TMEM236: variants seen among roughly 807,000 people sequenced by gnomAD.
TMEM236 encodes transmembrane protein 236, also known as family with sequence similarity 23, member A.
Under a neutral mutation model 14.7 loss-of-function variants are expected in TMEM236, and 11 were observed. The observed-to-expected ratio is 0.75, with a 90% CI of 0.47 to 1.24. The LOEUF (loss-of-function observed/expected upper bound fraction) is 1.24, where lower values mean the gene tolerates loss of function less well. Ranked by LOEUF, TMEM236 falls within the 50% of genes most tolerant of loss-of-function variation. The pLI, the probability that TMEM236 is intolerant of heterozygous loss-of-function variation, is 0.00. For missense variants in TMEM236, 464 were observed against 427.3 expected (o/e 1.09, Z -0.76); for synonymous variants, 182 against 168.6 (o/e 1.08, Z -0.62).
At chr10:17,761,971 T>G (rs1837372119) in intron 1 of TMEM236, among the ~76,000 whole-genome samples, 1 of 152,160 alleles carries the variant, frequency 6.6e-6, no homozygotes, top group Admixed American at 6.5e-5. Context: ...CTCTTTCTCA[T>G]CCACTTTGTA....
At chr10:17,762,230 A>T (rs1157320689) in intron 1 of TMEM236, among the ~76,000 whole-genome samples, 1 of 152,090 alleles carries the variant, frequency 6.6e-6, no homozygotes, top group African/African-American at 2.4e-5. Context: ...GCCACATCTC[A>T]GTCTGCTAAG....
At chr10:17,779,320 T>C (rs1837710658) in intron 3 of TMEM236, among the ~76,000 whole-genome samples, 1 of 151,990 alleles carries the variant, frequency 6.6e-6, no homozygotes, top group Non-Finnish European at 1.5e-5. Flanking sequence ...AGCCCCCATC[T>C]AAGGTCTTGT....
Position 17,764,027 on chromosome 10 carries a change from T to C in TMEM236, c.258-7282T>C, listed in dbSNP as rs924856461. On this transcript the variant is annotated intron_variant, in intron 1 of 3. Transcript: ENST00000377495. ...GGCATGATATGAACTCATTGAGTTG[T>C]CGTAAAGAGCTGAGTGTTAATATAT... 3.3e-5 allele frequency among the ~76,000 whole-genome samples: 5 copies of C among 152,272 alleles called. No homozygotes were observed. In the South Asian group the frequency reaches 1.0e-3, roughly 32 times the overall value.
At chr10:17,755,787 G>GT (rs1353559624) in intron 1 of TMEM236, among the ~76,000 whole-genome samples, 16 of 152,194 alleles carry the variant, frequency 1.1e-4, no homozygotes, top group African/African-American at 3.6e-4. Context: ...AAGCTCTTGG[G>GT]TTTTTTTGTA....
intron 3 of TMEM236, among the ~76,000 whole-genome samples, chr10:17,778,116 T>C (rs919444645): frequency 6.6e-6 from 1 of 152,178 alleles, no homozygotes; most frequent in Non-Finnish European, 1.5e-5. Flanking sequence ...ATAAGACATC[T>C]AAAGAAGAAG....
chr10:17,788,975 T>C (rs1039201242), intron 3 of TMEM236, among the ~76,000 whole-genome samples: 3 of 152,132 alleles, frequency 2.0e-5, no homozygotes, highest in Non-Finnish European at 4.4e-5. Context: ...ATCAGTTGCC[T>C]TTGTGGAGTG....
chr10:17,785,978 C>A (rs1444677125), intron 3 of TMEM236, among the ~76,000 whole-genome samples: 2 of 152,158 alleles, frequency 1.3e-5, no homozygotes, highest in Non-Finnish European at 2.9e-5. Context: ...AGCCGGGTAC[C>A]AACAGACATA....
At chr10:17,794,977 G>A (rs1281060208) in intron 3 of TMEM236, among the ~76,000 whole-genome samples, 1 of 152,126 alleles carries the variant, frequency 6.6e-6, no homozygotes, top group Non-Finnish European at 1.5e-5. Flanking sequence ...GCAGTGAGCC[G>A]AGATCATGCT....
intron 2 of TMEM236, among the ~76,000 whole-genome samples, chr10:17,773,526 C>T (rs181303263): frequency 0.12 from 18,988 of 152,068 alleles, 1,541 homozygotes; most frequent in East Asian, 0.35. Context: ...TTAGTACAGA[C>T]GGGGTTTCAC....
chr10:17,781,280 T>G (rs1373649051), intron 3 of TMEM236, among the ~76,000 whole-genome samples: 3 of 152,218 alleles, frequency 2.0e-5, no homozygotes, highest in Admixed American at 6.5e-5. Context: ...CATATCTGCC[T>G]AAATAATTTC....
At chr10:17,757,154 C>CAGT (rs1448793335) in intron 1 of TMEM236, among the ~76,000 whole-genome samples, 1,635 of 152,286 alleles carry the variant, frequency 0.011, 30 homozygotes, top group African/African-American at 0.036. Flanking sequence ...AGAAGAGAAG[C>CAGT]AGCCACTGAG....
intron 2 of TMEM236, among the ~76,000 whole-genome samples, chr10:17,773,146 CTT>C (rs1837601440): frequency 6.6e-6 from 1 of 152,164 alleles, no homozygotes; most frequent in African/African-American, 2.4e-5. Context: ...GTGAATATGT[CTT>C]TTGGTGTGCA....
chr10:17,791,350 T>G (rs1410182045), intron 3 of TMEM236, among the ~76,000 whole-genome samples: 1 of 151,584 alleles, frequency 6.6e-6, no homozygotes, highest in African/African-American at 2.4e-5. Context: ...CCCAGCTATT[T>G]GGGAGGCTGA....
At chr10:17,765,674 G>A (rs61844009) in intron 1 of TMEM236, among the ~76,000 whole-genome samples, 79,117 of 151,990 alleles carry the variant, frequency 0.52, 20,761 homozygotes, top group South Asian at 0.6. Flanking sequence ...GGAAAATCCC[G>A]TTAGCTTTTA....
intron 3 of TMEM236, among the ~76,000 whole-genome samples, chr10:17,791,966 C>T (rs1244928076): frequency 6.6e-6 from 1 of 152,178 alleles, no homozygotes; most frequent in Admixed American, 6.6e-5. Flanking sequence ...GTACGGCACT[C>T]TCATATTTGC....
chr10:17,754,129 T>C (rs1837248992), intron 1 of TMEM236, among the ~76,000 whole-genome samples: 2 of 152,220 alleles, frequency 1.3e-5, no homozygotes, highest in Non-Finnish European at 2.9e-5. Context: ...TCCTGGACAC[T>C]AAATTACATA....
At chr10:17,761,463 C>T (rs183329468) in intron 1 of TMEM236, among the ~76,000 whole-genome samples, 354 of 152,128 alleles carry the variant, frequency 2.3e-3, no homozygotes, top group African/African-American at 7.4e-3. Flanking sequence ...GAGGCCGAGG[C>T]GGATGGATCA....
intron 2 of TMEM236, among the ~76,000 whole-genome samples, chr10:17,775,780 T>A (rs1837649504): frequency 6.6e-6 from 1 of 152,210 alleles, no homozygotes; most frequent in Admixed American, 6.5e-5. Flanking sequence ...CCACTACTGT[T>A]TTTTGCATGT....
At position 17,798,750 on chromosome 10, in the gene TMEM236, T is replaced by TGAA. The variant is rs1321296133; in HGVS notation, c.*2247_*2249dup. The stretch of plus-strand genomic sequence containing the variant: ...GGTCCCCGTTTCCACATGTAAAAGA[T>TGAA]GAACATAATACTAGTACTACATTAA... On this transcript the variant is annotated 3_prime_UTR_variant, in exon 4 of 4. Coordinates refer to ENST00000377495, the MANE Select transcript of TMEM236 (RefSeq NM_001098844.3). 1.6e-4 allele frequency: 83 copies of TGAA among 527,620 alleles called. 1 individual carries two copies. Among genetic ancestry groups the TGAA allele is most frequent in the South Asian group, 1.1e-3 (81 of 70,828 alleles). 32.7% of individuals were successfully genotyped at this position (527,620 alleles called of 1,614,324 possible).
Sources: allele counts gnomAD v4.1 joint callset (sites outside exome capture counted in the v4.1 genomes callset), GRCh38; gene constraint gnomAD v4.1.1; transcripts MANE v1.5; gene names NCBI Gene and HGNC (gene_info 2026-07-23, HGNC 2026-07-21).